Variants in UGT2B7 observed in about 807,000 individuals in gnomAD.
UGT2B7 encodes UDP glucuronosyltransferase family 2 member B7, also known as UDP-glucuronosyltransferase 2B7.
Under a neutral mutation model 51.9 loss-of-function variants are expected in UGT2B7, and 51 were observed. That is an observed-to-expected ratio of 0.98 (90% CI 0.78 to 1.24). The LOEUF (loss-of-function observed/expected upper bound fraction) is 1.24, where lower values mean the gene tolerates loss of function less well. UGT2B7 is among the 50% of genes most tolerant of loss of function. The pLI is 0.00. For missense variants in UGT2B7, 727 were observed against 628.4 expected (o/e 1.16, Z -1.68); for synonymous variants, 225 against 211.6 (o/e 1.06, Z -0.55).
intron 1 of UGT2B7, among the ~76,000 whole-genome samples, chr4:69,064,112 A>AAGAGAGAGAGAGAAAG (rs754723956): frequency 1.0e-4 from 9 of 86,842 alleles, no homozygotes; most frequent in Admixed American, 4.5e-4. Flanking sequence ...GAAAGAAAGA[A>AAGAGAGAGAGAGAAAG]AAAGAAAGAA....
intron 1 of UGT2B7, among the ~76,000 whole-genome samples, chr4:69,097,778 C>T (rs191713423): frequency 5.3e-4 from 80 of 152,100 alleles, no homozygotes; most frequent in African/African-American, 1.9e-3. Context: ...TTTGAAGTTT[C>T]TAATGTTTCT....
exon 2 of UGT2B7, chr4:69,089,498 T>G (rs1184151215): frequency 6.6e-6 from 1 of 150,542 alleles, no homozygotes; most frequent in African/African-American, 2.4e-5. Flanking sequence ...TCCAGATCTC[T>G]GGCAAAGATG....
chr4:69,111,425 A>G (rs1215078458), intron 5 of UGT2B7, among the ~76,000 whole-genome samples: 1 of 152,192 alleles, frequency 6.6e-6, no homozygotes, highest in African/African-American at 2.4e-5. Flanking sequence ...GCTATGAGGC[A>G]CGTCACTCAC....
intron 1 of UGT2B7, among the ~76,000 whole-genome samples, chr4:69,057,165 A>G (rs1184348227): frequency 6.6e-6 from 1 of 152,184 alleles, no homozygotes; most frequent in Non-Finnish European, 1.5e-5. Flanking sequence ...CAAATCAATC[A>G]TGAACTTTTC....
rs150845883 is a variant in UGT2B7 at position 69,060,947 on chromosome 4, A to T, written c.-159+9345A>T. ...GGAAGCCCCCTTCATTGCTGAGTGG[A>T]TGTGGTAGATGAAGTGTTCTCAAGC... On this transcript the variant is annotated intron_variant, in intron 1 of 5. Coordinates refer to the UGT2B7 transcript ENST00000502942. Among the ~76,000 whole-genome samples, 978 of 152,226 alleles carry T rather than the reference A, an allele frequency of 6.4e-3. 8 individuals are homozygous for T. The highest frequency in any genetic ancestry group is 0.023 in the African/African-American group (947 of 41,538).
At chr4:69,105,395 C>G (rs1719563309) in intron 3 of UGT2B7, among the ~76,000 whole-genome samples, 1 of 152,186 alleles carries the variant, frequency 6.6e-6, no homozygotes, top group African/African-American at 2.4e-5. Flanking sequence ...ACCTGAGTTA[C>G]TTTAACACTG....
chr4:69,107,971 C>A, intron 4 of UGT2B7, 132 bp from the exon 5 acceptor site: 1 of 1,207,746 alleles, frequency 8.3e-7, no homozygotes, highest in Non-Finnish European at 1.2e-6. Context: ...GTGTTTTTTC[C>A]TCCGAAGTCT....
Position 69,077,989 on chromosome 4 carries a change from G to A in UGT2B7, c.-158-11483G>A, listed in dbSNP as rs148094577. ...GCTTATTGAGAGTTTTTAGCATGAA[G>A]TGATGTTGAATTTTGTCAATGGCCC... On this transcript the variant is annotated intron_variant, in intron 1 of 5. Coordinates refer to the UGT2B7 transcript ENST00000502942. Among the ~76,000 whole-genome samples, 546 of 152,254 alleles carry A rather than the reference G, an allele frequency of 3.6e-3. 2 individuals are homozygous for A. The highest frequency in any genetic ancestry group is 0.013 in the African/African-American group (521 of 41,552).
chr4:69,090,872 T>C (rs1197843247), intron 2 of UGT2B7, among the ~76,000 whole-genome samples: 1 of 152,198 alleles, frequency 6.6e-6, no homozygotes, highest in Non-Finnish European at 1.5e-5. Flanking sequence ...AAAAGTTGTG[T>C]AAGTAAATTT....
intron 1 of UGT2B7, among the ~76,000 whole-genome samples, chr4:69,086,974 A>G (rs112839904): frequency 5.9e-5 from 9 of 151,852 alleles, no homozygotes; most frequent in African/African-American, 2.2e-4. Context: ...TAATATTACT[A>G]ATAGATAAAG....
At chr4:69,063,318 C>CAAAAAAAAAAAAA (rs556109411) in intron 1 of UGT2B7, among the ~76,000 whole-genome samples, 4 of 23,806 alleles carry the variant, frequency 1.7e-4, no homozygotes, top group African/African-American at 2.5e-4. Context: ...GACTCCGTCT[C>CAAAAAAAAAAAAA]AAAAAAAAAA....
chr4:69,095,980 C>G (rs1483578968), upstream of UGT2B7, among the ~76,000 whole-genome samples: 2 of 152,022 alleles, frequency 1.3e-5, no homozygotes, highest in Non-Finnish European at 2.9e-5. Context: ...AGGCTAAGGA[C>G]TATAGGGCTT....
intron 3 of UGT2B7, among the ~76,000 whole-genome samples, chr4:69,103,394 G>A (rs1172612602): frequency 6.6e-6 from 1 of 151,948 alleles, no homozygotes; most frequent in African/African-American, 2.4e-5. Context: ...ACTACCCTTG[G>A]TATGCATGAG....
intron 1 of UGT2B7, among the ~76,000 whole-genome samples, chr4:69,068,535 T>C (rs1718529176): frequency 6.6e-6 from 1 of 152,196 alleles, no homozygotes; most frequent in East Asian, 1.9e-4. Context: ...ATATTAGTAA[T>C]AGCAATAATT....
Position 69,112,791 on chromosome 4 carries a change from T to C in UGT2B7, c.*55T>C. On this transcript the variant is annotated 3_prime_UTR_variant, in exon 6 of 6. Transcript: ENST00000305231. ...TGATAGGTGAGACTACTTCAGTTTA[T>C]TCCAGCAAGAAAGATTGTGATGCAA... The C allele has an allele frequency of 6.4e-7, 1 of 1,552,600 alleles. No individual in the cohort carries two copies. The highest frequency in any genetic ancestry group is 8.7e-7 in the Non-Finnish European group (1 of 1,151,572).
At chr4:69,094,551 T>C (rs1206388629), upstream of UGT2B7, among the ~76,000 whole-genome samples, 3 of 152,206 alleles carry the variant, frequency 2.0e-5, no homozygotes, top group Non-Finnish European at 4.4e-5. Context: ...TTAAAAACAC[T>C]TAATTGCTAA....
chr4:69,098,248 C>T (rs188332769), intron 1 of UGT2B7, among the ~76,000 whole-genome samples: 2 of 152,054 alleles, frequency 1.3e-5, no homozygotes, highest in East Asian at 3.9e-4. Context: ...TTCTGTTTAA[C>T]TTTCTATGGC....
intron 1 of UGT2B7, among the ~76,000 whole-genome samples, chr4:69,061,955 G>A (rs865983476): frequency 2.0e-5 from 3 of 152,176 alleles, no homozygotes; most frequent in Admixed American, 2.0e-4. Flanking sequence ...GAGAGTTGAT[G>A]AAGGTATTGT....
At chr4:69,107,767 C>T (rs1719647251) in intron 4 of UGT2B7, among the ~76,000 whole-genome samples, 1 of 152,090 alleles carries the variant, frequency 6.6e-6, no homozygotes, top group South Asian at 2.1e-4. Flanking sequence ...CTTGCCCACC[C>T]CATATATCAC....
Sources: gnomAD v4.1 joint callset for allele counts (sites outside exome capture counted in the v4.1 genomes callset) on GRCh38, gnomAD v4.1.1 for gene constraint, MANE v1.5 for transcripts, NCBI Gene and HGNC (gene_info 2026-07-23, HGNC 2026-07-21) for gene names.